ANKRD11: variants seen among roughly 807,000 people sequenced by gnomAD.
ANKRD11 encodes ankyrin repeat domain-containing protein 11.
ANKRD11 carries 17 observed loss-of-function variants against 195.7 expected under a neutral mutation model. That is an observed-to-expected ratio of 0.09 (90% confidence interval 0.06 to 0.13). The LOEUF is 0.13. Among genes scored for constraint, ANKRD11 ranks in the 10% least tolerant of loss-of-function variants. The pLI, the probability that ANKRD11 is intolerant of heterozygous loss-of-function variation, is 1.00. For synonymous variants in ANKRD11, 1,953 were observed against 1,528.1 expected, an observed-to-expected ratio of 1.28 and a Z score of -6.49; for missense variants, 3,735 against 3,566.1, an observed-to-expected ratio of 1.05 and a Z score of -1.21.
chr16:89,367,890 G>A (rs924338756), intron 2 of ANKRD11, among the ~76,000 whole-genome samples: 24 of 152,218 alleles, frequency 1.6e-4, no homozygotes, highest in Non-Finnish European at 3.5e-4. Context: ...TGTGGTACCG[G>A]CTACTCCAGA....
intron 1 of ANKRD11, among the ~76,000 whole-genome samples, chr16:89,463,876 G>A (rs1388992856): frequency 2.6e-5 from 4 of 152,078 alleles, no homozygotes; most frequent in African/African-American, 9.7e-5. Context: ...AAACACCTAT[G>A]GTGGAAGTTC....
chr16:89,278,459 G>T, intron 9 of ANKRD11: 1 of 450,458 alleles, frequency 2.2e-6, no homozygotes. Context: ...CTGGGGGAGT[G>T]GGGGTGATTC....
At chr16:89,430,951 G>A (rs2042952921) in intron 1 of ANKRD11, among the ~76,000 whole-genome samples, 1 of 152,062 alleles carries the variant, frequency 6.6e-6, no homozygotes, top group Non-Finnish European at 1.5e-5. Context: ...CCTGGGAAGT[G>A]GGTGCGCAGG....
intron 1 of ANKRD11, among the ~76,000 whole-genome samples, chr16:89,429,192 A>G (rs2042868395): frequency 7.9e-6 from 1 of 127,348 alleles, no homozygotes; most frequent in African/African-American, 2.9e-5. Context: ...TCTCACGCTC[A>G]GACGTTCTAG....
At chr16:89,489,663 A>G (rs1161489512) in intron 1 of ANKRD11, among the ~76,000 whole-genome samples, 1 of 151,802 alleles carries the variant, frequency 6.6e-6, no homozygotes, top group African/African-American at 2.4e-5. Context: ...AGCTCCGCAG[A>G]ACCCGGCGCC....
rs372153423 is a variant in ANKRD11, at chr16:89,277,945, C to T, written c.7470+1127G>A. On this transcript the variant is annotated intron_variant, in intron 9 of 12. Transcript: ENST00000301030. The stretch of plus-strand genomic sequence containing the variant: ...AGGCGGCCTGGGCCCACAGAGCCAA[C>T]GCGTGTGGAGGGCCCCTGGCTGTAC... 2.9e-4 allele frequency: 46 copies of T among 159,200 alleles called. 1 individual carries two copies. The South Asian group carries it at 6.9e-3, about 24-fold the overall frequency. The allele number at this position is 159,200 out of a possible 1,614,324, so 9.9% of individuals were successfully genotyped here. A position where few individuals can be genotyped will look rare whatever the true frequency, so the allele number is the denominator to read the frequency against.
At chr16:89,366,509 G>A (rs528834218) in intron 2 of ANKRD11, among the ~76,000 whole-genome samples, 2 of 152,168 alleles carry the variant, frequency 1.3e-5, no homozygotes, top group African/African-American at 2.4e-5. Context: ...TAACCTTTTC[G>A]TAACAGCCAT....
intron 2 of ANKRD11, among the ~76,000 whole-genome samples, chr16:89,329,399 G>GA (rs1287823886): frequency 6.6e-5 from 10 of 151,750 alleles, no homozygotes; most frequent in Admixed American, 5.2e-4. Context: ...CAGAAAAAAG[G>GA]AAAAAAAAGG....
intron 2 of ANKRD11, among the ~76,000 whole-genome samples, chr16:89,330,062 C>T (rs1295608013): frequency 1.3e-5 from 2 of 151,306 alleles, no homozygotes; most frequent in African/African-American, 2.5e-5. Context: ...TATGTATTCA[C>T]ATTAAATATA....
intron 3 of ANKRD11, among the ~76,000 whole-genome samples, chr16:89,312,159 A>T (rs2036640270): frequency 6.6e-6 from 1 of 152,150 alleles, no homozygotes; most frequent in Non-Finnish European, 1.5e-5. Context: ...CGGCCTCCCA[A>T]AGTGCTGGGA....
At chr16:89,358,207 C>A (rs1320667170) in intron 2 of ANKRD11, among the ~76,000 whole-genome samples, 1 of 152,222 alleles carries the variant, frequency 6.6e-6, no homozygotes, top group African/African-American at 2.4e-5. Flanking sequence ...AGGCCACAGC[C>A]CCCACACCTC....
chr16:89,284,952 G>C lies in ANKRD11; in HGVS notation c.1590C>G (p.Ala530=). The C allele has an allele frequency of 6.2e-7, 1 of 1,614,134 alleles. No individual in the cohort carries two copies. Among genetic ancestry groups the C allele is most frequent in the Non-Finnish European group, 8.5e-7 (1 of 1,180,022 alleles). ...TGTGGCTGGGGTTCTGCTTCTGGGC[G>C]GCAGAGCTCCCGTGAGACGAGGTGG... ...ASSTSSHGSS[A]AQKQNPSHTD... Residue 530 remains alanine, a synonymous_variant, in exon 9 of 13, where the codon GCC becomes GCG. Transcript: ENST00000301030.
chr16:89,373,408 C>A, intron 2 of ANKRD11: 1 of 152,662 alleles, frequency 6.6e-6, no homozygotes, highest in Non-Finnish European at 1.5e-5. Context: ...CCGGGGGCAA[C>A]CCCAACAGGG....
chr16:89,313,782 G>A (rs2036762740), intron 3 of ANKRD11, among the ~76,000 whole-genome samples: 1 of 152,130 alleles, frequency 6.6e-6, no homozygotes, highest in South Asian at 2.1e-4. Flanking sequence ...CTGCAACCAG[G>A]AGTGCGTCTT....
At chr16:89,440,957 G>A (rs1010189302) in intron 1 of ANKRD11, among the ~76,000 whole-genome samples, 4 of 152,224 alleles carry the variant, frequency 2.6e-5, no homozygotes, top group Non-Finnish European at 5.9e-5. Context: ...TTTCCTTGCG[G>A]CCAGACACAG....
At chr16:89,295,807 T>C (rs2035383068) in intron 4 of ANKRD11, among the ~76,000 whole-genome samples, 1 of 124,586 alleles carries the variant, frequency 8.0e-6, no homozygotes, top group Admixed American at 8.2e-5. Context: ...TCCCGAGGGG[T>C]GCTCTGTGCA....
intron 4 of ANKRD11, among the ~76,000 whole-genome samples, chr16:89,302,678 T>C (rs1296242820): frequency 1.3e-5 from 2 of 152,152 alleles, no homozygotes; most frequent in Non-Finnish European, 2.9e-5. Flanking sequence ...AAGAAGTTAT[T>C]AAAATTGGCC....
chr16:89,406,502 G>A (rs770283758), intron 2 of ANKRD11, among the ~76,000 whole-genome samples: 1 of 152,208 alleles, frequency 6.6e-6, no homozygotes, highest in African/African-American at 2.4e-5. Flanking sequence ...CAACATGTTC[G>A]TTGGCCATGC....
chr16:89,413,642 A>T (rs2042183389), intron 2 of ANKRD11, among the ~76,000 whole-genome samples: 2 of 152,272 alleles, frequency 1.3e-5, no homozygotes, highest in South Asian at 4.1e-4. Flanking sequence ...AAAATAAAGG[A>T]AATGGAAGTG....
Sources: gnomAD v4.1 joint callset for allele counts (sites outside exome capture counted in the v4.1 genomes callset) on GRCh38, gnomAD v4.1.1 for gene constraint, MANE v1.5 for transcripts, NCBI Gene and HGNC (gene_info 2026-07-23, HGNC 2026-07-21) for gene names.